Variants in SLC1A1 observed in about 807,000 individuals in gnomAD.
SLC1A1 encodes excitatory amino acid transporter 3.
In SLC1A1, 43 loss-of-function variants were observed where a neutral mutation model predicts 53.3. The observed-to-expected ratio is 0.81, with a 90% CI of 0.63 to 1.04. The LOEUF (loss-of-function observed/expected upper bound fraction) is 1.04, where lower values mean the gene tolerates loss of function less well. Ranked by LOEUF, SLC1A1 falls within the 50% of genes least tolerant of loss-of-function variation. SLC1A1 has a pLI of 0.00. For missense variants in SLC1A1, 748 were observed against 664.9 expected (o/e 1.12, Z -1.37); for synonymous variants, 307 against 243.2 (o/e 1.26, Z -2.44).
intron 2 of SLC1A1, chr9:4,553,248 T>G (rs1818082618): frequency 6.6e-6 from 1 of 152,230 alleles, no homozygotes; most frequent in African/African-American, 2.4e-5. Context: ...GTCAAAAAGT[T>G]CATGGAGTCT....
intron 1 of SLC1A1, among the ~76,000 whole-genome samples, chr9:4,527,071 G>A (rs1488093645): frequency 1.3e-5 from 2 of 152,180 alleles, no homozygotes; most frequent in Non-Finnish European, 2.9e-5. Flanking sequence ...TGACTCTGAA[G>A]AGGGAAGCCA....
At chr9:4,580,709 GA>G (rs995884183) in intron 10 of SLC1A1, among the ~76,000 whole-genome samples, 2 of 139,032 alleles carry the variant, frequency 1.4e-5, no homozygotes, top group African/African-American at 2.7e-5. Context: ...AGAGCTGAGA[GA>G]AAAAAAAAGT....
chr9:4,576,124 G>A lies in SLC1A1; in HGVS notation c.998+1G>A, dbSNP rs779245487. The A allele has an allele frequency of 6.2e-7, 1 of 1,613,654 alleles. No homozygotes were observed. Among genetic ancestry groups the A allele is most frequent in the Non-Finnish European group, 8.5e-7 (1 of 1,179,576 alleles). On this transcript the variant is annotated splice_donor_variant, in intron 9 of 11. Transcript: ENST00000262352. LOFTEE classifies it high-confidence loss of function. Reference sequence around the variant, plus strand: ...TGACAGCTCTCATGATCTCTTCCAGGTAAACAGAAGAGGGGTTTCTGGAAG... The same window carrying A: ...TGACAGCTCTCATGATCTCTTCCAGATAAACAGAAGAGGGGTTTCTGGAAG...
chr9:4,562,874 C>T (rs1256191725), intron 3 of SLC1A1, among the ~76,000 whole-genome samples: 1 of 148,948 alleles, frequency 6.7e-6, no homozygotes, highest in Non-Finnish European at 1.5e-5. Flanking sequence ...CCGCAATAAA[C>T]ATACGTGTGC....
chr9:4,548,725 T>C (rs557350601), intron 2 of SLC1A1, among the ~76,000 whole-genome samples: 301 of 152,186 alleles, frequency 2.0e-3, no homozygotes, highest in Non-Finnish European at 3.4e-3. Flanking sequence ...TATAAGAAAA[T>C]GTCCTTACTT....
At chr9:4,571,416 C>T (rs1051652847) in intron 6 of SLC1A1, among the ~76,000 whole-genome samples, 1 of 152,176 alleles carries the variant, frequency 6.6e-6, no homozygotes, top group Non-Finnish European at 1.5e-5. Context: ...TGGCTCACAC[C>T]TGTAATCCCA....
chr9:4,518,486 C>T (rs556714095), intron 1 of SLC1A1, among the ~76,000 whole-genome samples: 49 of 152,188 alleles, frequency 3.2e-4, no homozygotes, highest in African/African-American at 1.2e-3. Flanking sequence ...CCCACTTTAG[C>T]TTCCCTAATA....
At chr9:4,533,939 C>A (rs1816574427) in intron 1 of SLC1A1, among the ~76,000 whole-genome samples, 1 of 152,196 alleles carries the variant, frequency 6.6e-6, no homozygotes, top group Non-Finnish European at 1.5e-5. Context: ...GGAAACTGAA[C>A]AACCTGCTCC....
chr9:4,505,350 A>G (rs941207687), intron 1 of SLC1A1, among the ~76,000 whole-genome samples: 3 of 152,080 alleles, frequency 2.0e-5, no homozygotes, highest in East Asian at 1.9e-4. Flanking sequence ...CACCCGGCCC[A>G]TATTTCCTTT....
intron 1 of SLC1A1, among the ~76,000 whole-genome samples, chr9:4,514,171 A>G (rs566214108): frequency 6.6e-6 from 1 of 152,288 alleles, no homozygotes; most frequent in South Asian, 2.1e-4. Flanking sequence ...AAAATAGTCA[A>G]TTTTATTGTA....
chr9:4,545,457 C>A lies in SLC1A1; in HGVS notation c.232+750C>A, dbSNP rs550118646. 5.3e-5 allele frequency among the ~76,000 whole-genome samples: 8 copies of A among 152,302 alleles called. No homozygotes were observed. The South Asian group carries it at 1.0e-3, about 20-fold the overall frequency. On this transcript the variant is annotated intron_variant, in intron 2 of 11. Transcript: ENST00000262352. ...TGGTCACTGAAATGTCAGCTAGTGT[C>A]CTCAGGAAAAATATAGTTGTCAATT...
At chr9:4,515,033 T>TTC (rs959544672) in intron 1 of SLC1A1, among the ~76,000 whole-genome samples, 15 of 151,292 alleles carry the variant, frequency 9.9e-5, no homozygotes, top group East Asian at 1.9e-4. Context: ...CCTCTTCTCT[T>TTC]TCTCTCTCTC....
intron 1 of SLC1A1, among the ~76,000 whole-genome samples, chr9:4,534,726 C>A (rs200884334): frequency 1.4e-3 from 219 of 151,800 alleles, no homozygotes; most frequent in African/African-American, 4.7e-3. Context: ...CATCATCCTG[C>A]TACCAAAGCC....
rs10974633 is a variant in SLC1A1 at position 4,580,637 on chromosome 9, G to A, written c.1194-2401G>A. On this transcript the variant is annotated intron_variant, in intron 10 of 11. Transcript: ENST00000262352. The stretch of plus-strand genomic sequence containing the variant: ...TGTGTGTGTGTGTGTGTGTGTGTGT[G>A]TGTGTGTGTGTGTGTATAAGGAATA... Among the ~76,000 whole-genome samples, 250 of 26,316 alleles carry A rather than the reference G, an allele frequency of 9.5e-3. 12 individuals carry two copies. The East Asian group carries it at 0.25, about 26-fold the overall frequency. 17.3% of individuals were successfully genotyped at this position (26,316 alleles called of 152,430 possible).
Position 4,549,746 on chromosome 9 carries a change from C to T in SLC1A1, c.232+5039C>T, listed in dbSNP as rs538565460. On this transcript the variant is annotated intron_variant, in intron 2 of 11. Transcript: ENST00000262352. This position sits in a 1 kb window ranked among gnomAD's most constrained non-coding sequence, Gnocchi z 4.1. Reference sequence around the variant, plus strand: ...CGGCCACAGGGGGATAGCCTTTCCTCGTGGACCCCATCAGGAGCCTTCCAT... The same window carrying T: ...CGGCCACAGGGGGATAGCCTTTCCTTGTGGACCCCATCAGGAGCCTTCCAT... Among the ~76,000 whole-genome samples the T allele has an allele frequency of 2.0e-5, 3 of 152,258 alleles. No individual in the cohort carries two copies. Among genetic ancestry groups the T allele is most frequent in the Admixed American group, 6.5e-5 (1 of 15,306 alleles).
intron 1 of SLC1A1, among the ~76,000 whole-genome samples, chr9:4,496,206 G>C (rs1284326750): frequency 6.6e-6 from 1 of 152,114 alleles, no homozygotes; most frequent in Non-Finnish European, 1.5e-5. Flanking sequence ...TAGAAATTAA[G>C]AACAGGAACA....
chr9:4,531,005 G>A (rs575935774), intron 1 of SLC1A1, among the ~76,000 whole-genome samples: 10 of 152,312 alleles, frequency 6.6e-5, no homozygotes, highest in Non-Finnish European at 1.5e-4. Flanking sequence ...TTGGCTGATG[G>A]TCCACAGGCA....
intron 1 of SLC1A1, among the ~76,000 whole-genome samples, chr9:4,530,262 T>C (rs551276676): frequency 1.1e-4 from 17 of 152,290 alleles, no homozygotes; most frequent in African/African-American, 4.1e-4. Flanking sequence ...CAATGGAATA[T>C]TGTGGATAAA....
intron 1 of SLC1A1, among the ~76,000 whole-genome samples, chr9:4,513,640 G>T (rs942816982): frequency 4.6e-5 from 7 of 152,078 alleles, no homozygotes; most frequent in South Asian, 4.1e-4. Flanking sequence ...AAAACAATTT[G>T]GCACTTTCTT....
Sources: allele counts gnomAD v4.1 joint callset (sites outside exome capture counted in the v4.1 genomes callset), GRCh38; gene constraint gnomAD v4.1.1; non-coding constraint Gnocchi (gnomAD v3.1); transcripts MANE v1.5; gene names NCBI Gene and HGNC (gene_info 2026-07-23, HGNC 2026-07-21).